Variants in ADCY2 observed in about 807,000 individuals in gnomAD.
ADCY2 encodes the protein adenylate cyclase 2, also known as adenylate cyclase type 2.
ADCY2 carries 31 observed loss-of-function variants against 125.2 expected under a neutral mutation model. The ratio of observed to expected loss-of-function variants is 0.25; its 90% confidence interval spans 0.19 to 0.33. The LOEUF is 0.33. Ranked by LOEUF, ADCY2 falls within the 10% of genes least tolerant of loss-of-function variation. The probability of loss-of-function intolerance (pLI) is 1.00; values close to 1 mark genes in which losing one functional copy is unlikely to be tolerated. For synonymous variants in ADCY2, 512 were observed against 548.4 expected (o/e 0.93, Z 0.93); for missense variants, 904 against 1,418.2 (o/e 0.64, Z 5.82).
Position 7,542,720 on chromosome 5 carries a change from T to A in ADCY2, c.570+21821T>A, listed in dbSNP as rs943573189. Among the ~76,000 whole-genome samples, 105 of 152,218 alleles carry A rather than the reference T, an allele frequency of 6.9e-4. 1 individual carries two copies. Among genetic ancestry groups the A allele is most frequent in the African/African-American group, 2.4e-3 (100 of 41,452 alleles). On this transcript the variant is annotated intron_variant, in intron 3 of 24. Coordinates refer to ENST00000338316, the MANE Select transcript of ADCY2 (RefSeq NM_020546.3). ...TCAGCTGATTTGGTGAGGCCTACCT[T>A]CATTATCAAGGGTAGCCATTTTTAC...
chr5:7,408,688 T>C (rs1179814350), intron 1 of ADCY2, among the ~76,000 whole-genome samples: 1 of 151,672 alleles, frequency 6.6e-6, no homozygotes, highest in East Asian at 1.9e-4. Context: ...TATTAAAAAG[T>C]AAAAAAGCAA....
chr5:7,585,515 A>G (rs1308501589), intron 3 of ADCY2, among the ~76,000 whole-genome samples: 2 of 152,230 alleles, frequency 1.3e-5, no homozygotes, highest in African/African-American at 4.8e-5. Context: ...ATCAACTGGA[A>G]TGAATGCTAA....
At chr5:7,814,013 G>A (rs1180883755) in intron 22 of ADCY2, among the ~76,000 whole-genome samples, 1 of 145,970 alleles carries the variant, frequency 6.9e-6, no homozygotes, top group Non-Finnish European at 1.5e-5. Flanking sequence ...TTCCCCATAA[G>A]TCGTGAGACA....
chr5:7,402,532 G>A (rs1739302103), intron 1 of ADCY2, among the ~76,000 whole-genome samples: 1 of 152,058 alleles, frequency 6.6e-6, no homozygotes, highest in Non-Finnish European at 1.5e-5. Flanking sequence ...AACCTCAACC[G>A]AAAAAACCAT....
At chr5:7,495,196 C>G (rs1400900339) in intron 2 of ADCY2, among the ~76,000 whole-genome samples, 1 of 152,164 alleles carries the variant, frequency 6.6e-6, no homozygotes, top group Non-Finnish European at 1.5e-5. Context: ...ACCCCCGTGC[C>G]TCACCTCCAT....
Position 7,709,235 on chromosome 5 carries a change from C to T in ADCY2, c.1426C>T (p.Leu476Phe). 2 of 1,611,970 alleles carry T rather than the reference C, an allele frequency of 1.2e-6. No homozygotes were observed. The stretch of plus-strand genomic sequence containing the variant: ...GGGAGAACGACGGAGCCCCCAGCAT[C>T]TCTTCAGACCTCGCCACACCCTTGA... ...PKGERRSPQH[L>F]FRPRHTLDGA... The change falls in exon 10 of 25, where the codon CTC becomes TTC. Residue 476 changes from leucine (L) to phenylalanine (F), a missense_variant. This residue lies in a region of ADCY2 where 144 missense variants were observed against 227.7 expected (regional missense o/e 0.63). Coordinates refer to ENST00000338316, the MANE Select transcript of ADCY2 (RefSeq NM_020546.3). The surrounding 1 kb of genome is among the most constrained non-coding windows in gnomAD (Gnocchi z 4.4).
At chr5:7,793,450 C>G (rs1429996294) in intron 20 of ADCY2, among the ~76,000 whole-genome samples, 1 of 152,084 alleles carries the variant, frequency 6.6e-6, no homozygotes, top group Non-Finnish European at 1.5e-5. Context: ...GACACCATCT[C>G]AACAACAACA....
chr5:7,708,043 T>G, intron 9 of ADCY2: 3 of 543,858 alleles, frequency 5.5e-6, no homozygotes, highest in Non-Finnish European at 9.2e-6. Flanking sequence ...TGAAATGCAC[T>G]GCTTTTCTGC....
chr5:7,698,271 ATTTTAGGAGAC>A lies in ADCY2; in HGVS notation c.1008_1018del (p.Ile336MetfsTer14). ...GGAGAATGAATGCATGAGAATTAAA[ATTTTAGGAGAC>A]TGCTACTACTGTGTATCTGGACTCC... is the stretch of plus-strand genomic sequence containing the variant. On this transcript the variant is annotated frameshift_variant, in exon 7 of 25. Transcript: ENST00000338316. LOFTEE classifies it high-confidence loss of function. 1 of 1,614,110 alleles carries A rather than the reference ATTTTAGGAGAC, an allele frequency of 6.2e-7. No individual in the cohort carries two copies. Among genetic ancestry groups the A allele is most frequent in the South Asian group, 1.1e-5 (1 of 91,082 alleles).
intron 3 of ADCY2, among the ~76,000 whole-genome samples, chr5:7,614,420 G>A (rs1248444823): frequency 6.6e-6 from 1 of 152,012 alleles, no homozygotes; most frequent in Non-Finnish European, 1.5e-5. Flanking sequence ...TCCCAAAATG[G>A]TAGCTTCAAC....
chr5:7,492,724 T>C (rs1743207000), intron 2 of ADCY2, among the ~76,000 whole-genome samples: 2 of 151,278 alleles, frequency 1.3e-5, no homozygotes. Flanking sequence ...ACTTGCAGAG[T>C]CGTTTGGGGA....
At chr5:7,692,260 C>A (rs1199975382) in intron 5 of ADCY2, 1 of 152,138 alleles carries the variant, frequency 6.6e-6, no homozygotes, top group Non-Finnish European at 1.5e-5. Flanking sequence ...ACAAATTTAA[C>A]CGTTACTTAA....
At chr5:7,523,545 C>T (rs748687854) in intron 3 of ADCY2, among the ~76,000 whole-genome samples, 12 of 152,126 alleles carry the variant, frequency 7.9e-5, no homozygotes, top group Non-Finnish European at 1.3e-4. Flanking sequence ...AACAATTTCA[C>T]AGTAATTCCA....
chr5:7,645,989 T>C (rs1216572840), intron 4 of ADCY2, among the ~76,000 whole-genome samples: 2 of 152,306 alleles, frequency 1.3e-5, no homozygotes, highest in East Asian at 1.9e-4. Flanking sequence ...GTAAATAAGG[T>C]TAAAACAAAG....
intron 1 of ADCY2, among the ~76,000 whole-genome samples, chr5:7,404,834 C>T (rs978110433): frequency 2.6e-5 from 4 of 152,136 alleles, no homozygotes; most frequent in African/African-American, 9.7e-5. Flanking sequence ...GGCTTGCCTC[C>T]GTTGAAGGTT....
At chr5:7,816,131 C>T (rs1431495158) in intron 22 of ADCY2, among the ~76,000 whole-genome samples, 1 of 152,216 alleles carries the variant, frequency 6.6e-6, no homozygotes, top group Non-Finnish European at 1.5e-5. Flanking sequence ...CAAATATGGT[C>T]ATATCCTGAG....
At chr5:7,567,541 TTG>T (rs1201990610) in intron 3 of ADCY2, among the ~76,000 whole-genome samples, 5 of 152,282 alleles carry the variant, frequency 3.3e-5, no homozygotes, top group African/African-American at 1.2e-4. Context: ...CTTCCTTTGT[TTG>T]TGTGAAGTAT....
intron 23 of ADCY2, among the ~76,000 whole-genome samples, chr5:7,819,460 A>T (rs142099057): frequency 6.6e-6 from 1 of 152,290 alleles, no homozygotes; most frequent in East Asian, 1.9e-4. Context: ...GACTTCAGTG[A>T]TATTGTTCAG....
chr5:7,736,721 A>T (rs768237862), intron 14 of ADCY2, among the ~76,000 whole-genome samples: 2 of 151,314 alleles, frequency 1.3e-5, no homozygotes, highest in Admixed American at 6.6e-5. Flanking sequence ...ATAATTATTC[A>T]AAAAAAAAGA....
Sources: allele counts gnomAD v4.1 joint callset (sites outside exome capture counted in the v4.1 genomes callset), GRCh38; gene constraint gnomAD v4.1.1; regional missense constraint gnomAD v4.1.1; non-coding constraint Gnocchi (gnomAD v3.1); transcripts MANE v1.5; gene names NCBI Gene and HGNC (gene_info 2026-07-23, HGNC 2026-07-21).